Variants in SVIL observed in about 807,000 individuals in gnomAD.
The protein encoded by SVIL is supervillin.
Under a neutral mutation model 240.4 loss-of-function variants are expected in SVIL, and 101 were observed. That is an observed-to-expected ratio of 0.42 (90% CI 0.36 to 0.50). The LOEUF (loss-of-function observed/expected upper bound fraction) is 0.50. SVIL is among the 20% of genes least tolerant of loss of function. The probability of loss-of-function intolerance (pLI) is 0.01; values close to 1 mark genes in which losing one functional copy is unlikely to be tolerated. For missense variants in SVIL, 2,512 were observed against 2,818.7 expected, an observed-to-expected ratio of 0.89 and a Z score of 2.46; for synonymous variants, 999 against 1,100.0, an observed-to-expected ratio of 0.91 and a Z score of 1.82.
At chr10:29,494,348 G>T (rs1948238380) in intron 20 of SVIL, among the ~76,000 whole-genome samples, 2 of 152,322 alleles carry the variant, frequency 1.3e-5, no homozygotes, top group South Asian at 4.1e-4. Flanking sequence ...TTCAGTGGTG[G>T]TTGTATTATT....
Position 29,659,358 on chromosome 10 carries a change from CTG to C in SVIL, c.-300-1292_-300-1291del, listed in dbSNP as rs573067041. 1.6e-3 allele frequency among the ~76,000 whole-genome samples: 241 copies of C among 152,284 alleles called. 1 individual carries two copies. The highest frequency in any genetic ancestry group is 5.6e-3 in the African/African-American group (232 of 41,554). ...TGAGTTCCATCTTCTCATCTCCTCT[CTG>C]TTGTCTACTCAGCACTTCCTTGTAT... On this transcript the variant is annotated intron_variant, in intron 2 of 35. Transcript: ENST00000375400.
chr10:29,510,454 C>T (rs1304697187), intron 17 of SVIL, among the ~76,000 whole-genome samples: 2 of 150,676 alleles, frequency 1.3e-5, no homozygotes, highest in African/African-American at 4.9e-5. Flanking sequence ...TTCTAGAGTC[C>T]CCTCTCTTTC....
chr10:29,711,886 G>A (rs1963310373), intron 1 of SVIL: 1 of 152,174 alleles, frequency 6.6e-6, no homozygotes, highest in African/African-American at 2.4e-5. Context: ...CAGCACTTTG[G>A]GAGGTCAAGG....
At chr10:29,459,860 G>A (rs1263215245) in intron 36 of SVIL, among the ~76,000 whole-genome samples, 1 of 152,154 alleles carries the variant, frequency 6.6e-6, no homozygotes, top group African/African-American at 2.4e-5. Flanking sequence ...GGAGGCTGAG[G>A]TGGGAAGAGT....
At chr10:29,503,967 A>G (rs529962060) in intron 17 of SVIL, among the ~76,000 whole-genome samples, 90 of 152,390 alleles carry the variant, frequency 5.9e-4, no homozygotes, top group African/African-American at 2.1e-3. Context: ...AGCCTCGGCA[A>G]TCAAGATTGT....
In SVIL at chr10:29,563,279, ACTC is replaced by A; in HGVS notation, c.-132_-130del. ...AGCTGTTCTTTATCTTCGAGTGAGA[ACTC>A]CTTCTGAAAGCTAAAAATTACTCCA... On this transcript the variant is annotated 5_prime_UTR_variant, in exon 3 of 38. Coordinates refer to ENST00000355867, the MANE Select transcript of SVIL (RefSeq NM_021738.3). 1 of 985,702 alleles carries A rather than the reference ACTC, an allele frequency of 1.0e-6. No homozygotes were observed. Among genetic ancestry groups the A allele is most frequent in the Non-Finnish European group, 1.2e-6 (1 of 829,892 alleles). 61.1% of individuals were successfully genotyped at this position (985,702 alleles called of 1,614,324 possible). A position where few individuals can be genotyped will look rare whatever the true frequency, so the allele number is the denominator to read the frequency against.
intron 18 of SVIL, among the ~76,000 whole-genome samples, chr10:29,498,503 CAAATGGGTAAGTTTTGAA>C (rs1426578955): frequency 3.3e-5 from 5 of 152,144 alleles, no homozygotes; most frequent in Admixed American, 1.3e-4. Context: ...CACTCAATTC[CAAATGGGTAAGTTTTGAA>C]ATAGTGACAA....
intron 2 of SVIL, among the ~76,000 whole-genome samples, chr10:29,673,361 C>CT (rs957948079): frequency 1.2e-4 from 17 of 146,776 alleles, no homozygotes; most frequent in Admixed American, 2.7e-4. Flanking sequence ...ATAATGAATA[C>CT]TTTTTTTTTT....
Position 29,536,679 on chromosome 10 carries a change from G to A in SVIL, c.828-610C>T, listed in dbSNP as rs575630260. On this transcript the variant is annotated intron_variant, in intron 6 of 37. Transcript: ENST00000355867. ...AATCCCAGCACTTTGGGAGGCCGGG[G>A]TGGGTGGATCACCTGAGGTTAGGAG... 3.9e-5 allele frequency among the ~76,000 whole-genome samples: 6 copies of A among 152,244 alleles called. No individual in the cohort carries two copies. The South Asian group carries it at 1.2e-3, about 32-fold the overall frequency.
At chr10:29,513,630 T>C (rs1165309826) in intron 16 of SVIL, among the ~76,000 whole-genome samples, 1 of 152,238 alleles carries the variant, frequency 6.6e-6, no homozygotes, top group Non-Finnish European at 1.5e-5. Context: ...TTGATGTTTA[T>C]GACTGTTTCT....
intron 1 of SVIL, among the ~76,000 whole-genome samples, chr10:29,715,317 T>G (rs1414430965): frequency 6.6e-6 from 1 of 152,192 alleles, no homozygotes; most frequent in Non-Finnish European, 1.5e-5. Flanking sequence ...TTTCATAGCC[T>G]ATGATGATTA....
At chr10:29,663,826 C>T (rs575703491) in intron 2 of SVIL, among the ~76,000 whole-genome samples, 15 of 152,346 alleles carry the variant, frequency 9.8e-5, no homozygotes, top group African/African-American at 3.6e-4. Flanking sequence ...AGAGCAGCCG[C>T]TGGTTCTCCC....
At chr10:29,600,534 G>A (rs1461682875) in intron 1 of SVIL, among the ~76,000 whole-genome samples, 2 of 152,150 alleles carry the variant, frequency 1.3e-5, no homozygotes. Context: ...ACACAGGTTG[G>A]CTAAGGTGCT....
chr10:29,523,570 G>T lies in SVIL; in HGVS notation c.3044C>A (p.Pro1015Gln). Reference protein sequence around the residue: ...NPPITHLGDEPKEFSMAKMNA... With the variant: ...NPPITHLGDEQKEFSMAKMNA... The stretch of plus-strand genomic sequence containing the variant: ...CATTTTAGCCATGGAAAATTCCTTC[G>T]GTTCATCCCCGAGGTGGGTGATGGG... The change falls in exon 15 of 38, where the codon CCG becomes CAG. Residue 1015 changes from proline to glutamine, a missense_variant. Physicochemically the swap from Pro to Gln is moderately conservative, Grantham distance 76 (BLOSUM62 -1). Transcript: ENST00000355867. The T allele has an allele frequency of 1.2e-5, 19 of 1,614,082 alleles. No homozygotes were observed. Among genetic ancestry groups the T allele is most frequent in the Non-Finnish European group, 1.6e-5 (19 of 1,180,006 alleles).
chr10:29,508,945 C>T (rs552212898), intron 17 of SVIL, among the ~76,000 whole-genome samples: 11 of 152,304 alleles, frequency 7.2e-5, no homozygotes, highest in East Asian at 1.9e-4. Flanking sequence ...TCGAATAAAC[C>T]GAAATAGGGA....
At chr10:29,660,884 C>A (rs970429767) in intron 2 of SVIL, among the ~76,000 whole-genome samples, 2 of 151,982 alleles carry the variant, frequency 1.3e-5, no homozygotes, top group Admixed American at 6.6e-5. Flanking sequence ...AAGCCTGTGC[C>A]TGGGCCGGGT....
At chr10:29,653,160 A>T (rs573101619) in intron 3 of SVIL, among the ~76,000 whole-genome samples, 1 of 152,212 alleles carries the variant, frequency 6.6e-6, no homozygotes, top group African/African-American at 2.4e-5. Flanking sequence ...TTCTTGCCCC[A>T]ATCTCATGTT....
In SVIL at chr10:29,732,000, C is replaced by T. The variant is rs147070263; in HGVS notation, c.-400+3751G>A. The stretch of plus-strand genomic sequence containing the variant: ...AAGCGACGGCCCAGCGCAGGTCTGG[C>T]GCATGCCCTGCAGCGGCTTCTTTCT... On this transcript the variant is annotated intron_variant, in intron 1 of 35. Transcript: ENST00000375400. Among the ~76,000 whole-genome samples the T allele has an allele frequency of 1.4e-3, 216 of 152,356 alleles. 3 individuals carry two copies. The highest frequency in any genetic ancestry group is 5.1e-3 in the African/African-American group (212 of 41,586).
chr10:29,553,755 T>A (rs918201802), intron 5 of SVIL, among the ~76,000 whole-genome samples: 7 of 152,236 alleles, frequency 4.6e-5, no homozygotes, highest in Non-Finnish European at 1.5e-5. Flanking sequence ...TCACGTGCAC[T>A]CAACATACTG....
Sources: allele counts gnomAD v4.1 joint callset (sites outside exome capture counted in the v4.1 genomes callset), GRCh38; gene constraint gnomAD v4.1.1; transcripts MANE v1.5; gene names NCBI Gene and HGNC (gene_info 2026-07-23, HGNC 2026-07-21).